ATXN2: variants seen among roughly 807,000 people sequenced by gnomAD.
ATXN2 encodes ataxin 2, also known as ataxin-2.
ATXN2 carries 37 observed loss-of-function variants against 138.6 expected under a neutral mutation model. That is an observed-to-expected ratio of 0.27 (90% CI 0.21 to 0.35). The LOEUF (loss-of-function observed/expected upper bound fraction) is 0.35. ATXN2 is among the 10% of genes least tolerant of loss of function. The pLI is 1.00. For missense variants in ATXN2, 1,216 were observed against 1,480.3 expected (o/e 0.82, Z 2.93); for synonymous variants, 549 against 543.7 (o/e 1.01, Z -0.13).
intron 22 of ATXN2, among the ~76,000 whole-genome samples, chr12:111,456,748 TTTTAA>T (rs1875131663): frequency 6.6e-6 from 1 of 152,166 alleles, no homozygotes; most frequent in Admixed American, 6.5e-5. Context: ...ATGTGATTTT[TTTTAA>T]TTTTTTATTT....
chr12:111,475,507 T>A (rs959305235), intron 18 of ATXN2, among the ~76,000 whole-genome samples: 2 of 147,716 alleles, frequency 1.4e-5, no homozygotes, highest in African/African-American at 5.0e-5. Context: ...TTTTTTTTTT[T>A]AAGAGGGAAT....
intron 1 of ATXN2, among the ~76,000 whole-genome samples, chr12:111,567,975 G>A (rs1476883060): frequency 1.3e-5 from 2 of 151,836 alleles, no homozygotes; most frequent in African/African-American, 4.8e-5. Context: ...CAACAACTGG[G>A]GGAGGCCGGG....
chr12:111,559,809 C>T (rs1181449046), intron 1 of ATXN2, among the ~76,000 whole-genome samples: 2 of 148,796 alleles, frequency 1.3e-5, no homozygotes, highest in Admixed American at 6.7e-5. Context: ...AAAAAAAACA[C>T]TTAATACACT....
intron 1 of ATXN2, among the ~76,000 whole-genome samples, chr12:111,562,438 A>C (rs1882741699): frequency 6.6e-6 from 1 of 151,896 alleles, no homozygotes; most frequent in South Asian, 2.1e-4. Flanking sequence ...GAGAAAAAGA[A>C]GGCCTGGTGT....
At chr12:111,565,449 GTAAA>G (rs1334341715) in intron 1 of ATXN2, among the ~76,000 whole-genome samples, 3 of 151,996 alleles carry the variant, frequency 2.0e-5, no homozygotes, top group African/African-American at 4.8e-5. Context: ...TACAATAATT[GTAAA>G]TAATAAAGAA....
At chr12:111,490,054 A>T (rs1877921120) in intron 14 of ATXN2, among the ~76,000 whole-genome samples, 1 of 151,612 alleles carries the variant, frequency 6.6e-6, no homozygotes, top group Non-Finnish European at 1.5e-5. Flanking sequence ...GATAAAAAAA[A>T]AAAATTAGCC....
At chr12:111,496,213 C>A (rs555642561) in intron 14 of ATXN2, among the ~76,000 whole-genome samples, 45 of 151,728 alleles carry the variant, frequency 3.0e-4, no homozygotes, top group Non-Finnish European at 6.5e-4. Context: ...AAAATCATAT[C>A]AACTATCTTC....
intron 5 of ATXN2, among the ~76,000 whole-genome samples, chr12:111,546,629 C>A (rs977406212): frequency 6.6e-6 from 1 of 151,306 alleles, no homozygotes; most frequent in African/African-American, 2.4e-5. Context: ...AATGGCGCAA[C>A]AGGAAGAGCA....
chr12:111,456,103 T>C lies in ATXN2; in HGVS notation c.3196A>G (p.Thr1066Ala), dbSNP rs772057182. Reference sequence around the variant, plus strand: ...TGAGAAGGATGGATCGTAAAGACAGTCTGTTGTGCTGCTGGGAAACTATTC... The same window carrying C: ...TGAGAAGGATGGATCGTAAAGACAGCCTGTTGTGCTGCTGGGAAACTATTC... ...PQNSFPAAQQ[T>A]VFTIHPSHVQ... The change falls in exon 23 of 25, where the codon ACT (threonine) becomes GCT (alanine). Residue 1066 changes from threonine (T) to alanine (A), a missense_variant. Coordinates refer to ENST00000673436, the MANE Select transcript of ATXN2 (RefSeq NM_001372574.1). 3 of 1,614,146 alleles carry C rather than the reference T, an allele frequency of 1.9e-6. No individual in the cohort carries two copies. Among genetic ancestry groups the C allele is most frequent in the East Asian group, 2.2e-5 (1 of 44,874 alleles).
rs932690321 is a variant in ATXN2, at chr12:111,516,539, A to AT, written c.1166-177dup. 6.6e-6 allele frequency among the ~76,000 whole-genome samples: 1 copy of AT among 152,226 alleles called. No homozygotes were observed. The highest frequency in any genetic ancestry group is 2.4e-5 in the African/African-American group (1 of 41,462). On this transcript the variant is annotated intron_variant, in intron 9 of 24. Transcript: ENST00000673436. This position sits in a 1 kb window ranked among gnomAD's most constrained non-coding sequence, Gnocchi z 5.0. The stretch of plus-strand genomic sequence containing the variant: ...CATAACTTAACTGACATAAATTCAC[A>AT]TTTTACTTTAACCTCCTTAAGATTA...
At chr12:111,525,916 T>C (rs1282943982) in intron 5 of ATXN2, among the ~76,000 whole-genome samples, 1 of 151,968 alleles carries the variant, frequency 6.6e-6, no homozygotes, top group Non-Finnish European at 1.5e-5. Flanking sequence ...TCTCCTGACC[T>C]AGTGATACCC....
rs1381941255 is a variant in ATXN2 at position 111,529,269 on chromosome 12, C to T, written c.572-3953G>A. On this transcript the variant is annotated intron_variant, in intron 5 of 24. Coordinates refer to ENST00000673436, the MANE Select transcript of ATXN2 (RefSeq NM_001372574.1). ...TGCAGATTTTACCAATGCCATAAGT[C>T]AAAGAATATTAATTTTCCATCATCC... Among the ~76,000 whole-genome samples the T allele has an allele frequency of 5.3e-5, 8 of 152,138 alleles. No individual in the cohort carries two copies. In the East Asian group the frequency reaches 1.5e-3, roughly 29 times the overall value.
At chr12:111,546,751 G>A (rs1057309506) in intron 5 of ATXN2, among the ~76,000 whole-genome samples, 17 of 152,198 alleles carry the variant, frequency 1.1e-4, no homozygotes, top group African/African-American at 4.1e-4. Context: ...CACGAATACA[G>A]AGCCAAAAGC....
rs746562037 is a variant in ATXN2 at position 111,483,188 on chromosome 12, A to AACACACAC, written c.2524+2076_2524+2077insGTGTGTGT. Among the ~76,000 whole-genome samples, 135 of 119,006 alleles carry AACACACAC rather than the reference A, an allele frequency of 1.1e-3. 2 individuals carry two copies. The highest frequency in any genetic ancestry group is 2.4e-3 in the South Asian group (8 of 3,346). The allele number at this position is 119,006 out of a possible 152,430, so 78.1% of individuals were successfully genotyped here. The stretch of plus-strand genomic sequence containing the variant: ...AGCAGCAAAGCAAGACCCTGTATCA[A>AACACACAC]ACACATACACACACACACACACACA... On this transcript the variant is annotated intron_variant, in intron 18 of 24. Transcript: ENST00000673436.
chr12:111,485,756 G>T lies in ATXN2; in HGVS notation c.2414C>A (p.Ala805Glu), dbSNP rs752755397. The T allele has an allele frequency of 6.2e-7, 1 of 1,614,122 alleles. No homozygotes were observed. The highest frequency in any genetic ancestry group is 8.5e-7 in the Non-Finnish European group (1 of 1,180,008). Residue 805 changes from alanine (A) to glutamate (E), a missense_variant, in exon 17 of 25, where the codon GCA becomes GAA. Transcript: ENST00000673436. ...TGGGACTGGATACATCATATTTGGTGCAAAACAAACAGGCTGAGTATAAAC... is the reference window on the plus strand; with the variant it reads ...TGGGACTGGATACATCATATTTGGTTCAAAACAAACAGGCTGAGTATAAAC... ...TPVYTQPVCFAPNMMYPVPVS... is the reference protein window; with the variant it reads ...TPVYTQPVCFEPNMMYPVPVS...
intron 1 of ATXN2, among the ~76,000 whole-genome samples, chr12:111,577,576 A>G (rs117800259): frequency 0.012 from 1,858 of 152,148 alleles, 19 homozygotes; most frequent in Admixed American, 0.025. Context: ...GCATGTTTCA[A>G]TTAACAACAG....
chr12:111,598,143 C>T lies in ATXN2; in HGVS notation c.251+641G>A. ...GGAGCCCCCGCCGCCGCCTCGGACA[C>T]GAACGCAGAGGGGTGCGGGGGCCAA... On this transcript the variant is annotated intron_variant, in intron 1 of 24. Coordinates refer to ENST00000673436, the MANE Select transcript of ATXN2 (RefSeq NM_001372574.1). The surrounding 1 kb of genome is among the most constrained non-coding windows in gnomAD (Gnocchi z 4.5). The T allele has an allele frequency of 3.6e-6, 4 of 1,117,084 alleles. No homozygotes were observed. The South Asian group carries it at 8.5e-5, about 24-fold the overall frequency. 69.2% of individuals were successfully genotyped at this position (1,117,084 alleles called of 1,614,324 possible). A position where few individuals can be genotyped will look rare whatever the true frequency, so the allele number is the denominator to read the frequency against.
At chr12:111,578,550 T>C (rs1483755798) in intron 1 of ATXN2, among the ~76,000 whole-genome samples, 1 of 152,180 alleles carries the variant, frequency 6.6e-6, no homozygotes, top group Non-Finnish European at 1.5e-5. Flanking sequence ...ATGTGTCTAG[T>C]AGGTATACCA....
In ATXN2 at chr12:111,588,859, G is replaced by A. The variant is rs139215385; in HGVS notation, c.251+9925C>T. Among the ~76,000 whole-genome samples, 1,290 of 150,266 alleles carry A rather than the reference G, an allele frequency of 8.6e-3. 5 individuals carry two copies. Among genetic ancestry groups the A allele is most frequent in the Non-Finnish European group, 0.014 (916 of 67,530 alleles). ...GCATAAAAAAAATTAGCCGGGCATGGTGGCGGGCGCATGTAGTCCCAGCTA... is the reference window on the plus strand; with the variant it reads ...GCATAAAAAAAATTAGCCGGGCATGATGGCGGGCGCATGTAGTCCCAGCTA... On this transcript the variant is annotated intron_variant, in intron 1 of 24. Transcript: ENST00000673436.
Sources: gnomAD v4.1 joint callset for allele counts (sites outside exome capture counted in the v4.1 genomes callset) on GRCh38, gnomAD v4.1.1 for gene constraint, Gnocchi (gnomAD v3.1) non-coding constraint, MANE v1.5 for transcripts, NCBI Gene and HGNC (gene_info 2026-07-23, HGNC 2026-07-21) for gene names.